The following CDKAL1 variants were observed in gnomAD, a reference collection of about 807,000 sequenced individuals.
The protein encoded by CDKAL1 is CDKAL1 threonylcarbamoyladenosine tRNA methylthiotransferase.
In CDKAL1, 32 loss-of-function variants were observed where a neutral mutation model predicts 68.2. That is an observed-to-expected ratio of 0.47 (90% CI 0.35 to 0.63). CDKAL1 has a LOEUF of 0.63. CDKAL1 is among the 30% of genes least tolerant of loss of function. CDKAL1 has a pLI of 0.00. For missense variants in CDKAL1, 606 were observed against 696.7 expected (o/e 0.87, Z 1.47); for synonymous variants, 234 against 244.3 (o/e 0.96, Z 0.39).
At chr6:20,774,965 A>C (rs958020491) in intron 7 of CDKAL1, among the ~76,000 whole-genome samples, 3 of 152,214 alleles carry the variant, frequency 2.0e-5, no homozygotes, top group Admixed American at 6.5e-5. Context: ...TGTTTATTAA[A>C]GCGGGTTAAT....
At chr6:20,685,184 G>A (rs1182425682) in intron 5 of CDKAL1, among the ~76,000 whole-genome samples, 1 of 152,184 alleles carries the variant, frequency 6.6e-6, no homozygotes, top group East Asian at 1.9e-4. Flanking sequence ...TGTCAAGAAT[G>A]TAAGGTCTGT....
intron 9 of CDKAL1, among the ~76,000 whole-genome samples, chr6:20,876,528 T>A (rs1760527064): frequency 6.6e-6 from 1 of 152,224 alleles, no homozygotes; most frequent in South Asian, 2.1e-4. Context: ...TAATGCTTCA[T>A]TCTAAGGATT....
At chr6:20,690,705 G>A (rs370304520) in intron 5 of CDKAL1, among the ~76,000 whole-genome samples, 1 of 151,082 alleles carries the variant, frequency 6.6e-6, no homozygotes, top group Non-Finnish European at 1.5e-5. Flanking sequence ...TGTTTTTCAC[G>A]TATACTTATA....
chr6:20,715,753 G>T (rs1581433699), intron 5 of CDKAL1, among the ~76,000 whole-genome samples: 1 of 152,150 alleles, frequency 6.6e-6, no homozygotes, highest in Admixed American at 6.5e-5. Flanking sequence ...AGCTATGTAG[G>T]ATATTCTGAA....
At chr6:21,122,962 A>G (rs907610964) in intron 13 of CDKAL1, among the ~76,000 whole-genome samples, 1 of 152,100 alleles carries the variant, frequency 6.6e-6, no homozygotes, top group Non-Finnish European at 1.5e-5. Flanking sequence ...AATTGCTTTA[A>G]AAAGAGGAGA....
At chr6:20,778,424 A>G (rs1022239197) in intron 7 of CDKAL1, among the ~76,000 whole-genome samples, 2 of 152,258 alleles carry the variant, frequency 1.3e-5, no homozygotes, top group African/African-American at 4.8e-5. Context: ...AATAATTCTT[A>G]CAACTCAGTA....
chr6:20,786,818 A>C (rs1236272631), intron 8 of CDKAL1, among the ~76,000 whole-genome samples: 1 of 152,052 alleles, frequency 6.6e-6, no homozygotes, highest in African/African-American at 2.4e-5. Context: ...TTTTTCTAGC[A>C]GTGGGAATAC....
At chr6:20,797,760 C>CTTTATGTTATTTTAT (rs1776168758) in intron 8 of CDKAL1, among the ~76,000 whole-genome samples, 1 of 119,406 alleles carries the variant, frequency 8.4e-6, no homozygotes, top group Admixed American at 8.5e-5. Flanking sequence ...TGATTGATTG[C>CTTTATGTTATTTTAT]TTTATTTTAT....
intron 13 of CDKAL1, among the ~76,000 whole-genome samples, chr6:21,188,468 G>T (rs1778104324): frequency 6.6e-6 from 1 of 152,210 alleles, no homozygotes; most frequent in Non-Finnish European, 1.5e-5. Flanking sequence ...AGTAATGGCT[G>T]AGAGAGACCA....
At chr6:21,137,006 A>G (rs777892883) in intron 13 of CDKAL1, among the ~76,000 whole-genome samples, 18 of 152,268 alleles carry the variant, frequency 1.2e-4, no homozygotes, top group Non-Finnish European at 5.9e-5. Flanking sequence ...ACCAGCGTCT[A>G]CCATTGCCAT....
intron 9 of CDKAL1, among the ~76,000 whole-genome samples, chr6:20,922,709 A>G (rs1763013198): frequency 6.6e-6 from 1 of 152,234 alleles, no homozygotes; most frequent in Non-Finnish European, 1.5e-5. Flanking sequence ...CGGGATGAGA[A>G]CAGAGACATA....
chr6:20,957,101 A>G (rs1416321961), intron 10 of CDKAL1, among the ~76,000 whole-genome samples: 1 of 151,858 alleles, frequency 6.6e-6, no homozygotes, highest in Non-Finnish European at 1.5e-5. Context: ...CGTGAAGACC[A>G]GGAGATATAC....
intron 9 of CDKAL1, among the ~76,000 whole-genome samples, chr6:20,862,579 A>G (rs1274954738): frequency 2.0e-5 from 3 of 152,192 alleles, no homozygotes. Flanking sequence ...GGAAAAAATA[A>G]GTCACCACCT....
At chr6:21,161,915 A>G (rs1229855596) in intron 13 of CDKAL1, among the ~76,000 whole-genome samples, 1 of 152,242 alleles carries the variant, frequency 6.6e-6, no homozygotes, top group Admixed American at 6.5e-5. Context: ...AAGGAAAGGC[A>G]CGTTTCAATG....
chr6:20,695,963 C>T lies in CDKAL1; in HGVS notation c.372-43556C>T, dbSNP rs550609223. ...CCTCCTTTCTTCCAATCCCTGGTAA[C>T]GACGATTCTACTTTCTGCCTCTCTG... is the stretch of plus-strand genomic sequence containing the variant. On this transcript the variant is annotated intron_variant, in intron 5 of 15. Coordinates refer to ENST00000274695, the MANE Select transcript of CDKAL1 (RefSeq NM_017774.3). Among the ~76,000 whole-genome samples the T allele has an allele frequency of 3.5e-4, 53 of 152,312 alleles. No homozygotes were observed. In the South Asian group the frequency reaches 0.011, roughly 30 times the overall value.
intron 13 of CDKAL1, among the ~76,000 whole-genome samples, chr6:21,141,204 C>G (rs747866792): frequency 6.6e-6 from 1 of 152,254 alleles, no homozygotes; most frequent in Non-Finnish European, 1.5e-5. Context: ...CGTTCTGGAT[C>G]ATGCCAAGCT....
intron 10 of CDKAL1, among the ~76,000 whole-genome samples, chr6:20,984,818 G>GA (rs879834990): frequency 6.0e-5 from 9 of 148,898 alleles, no homozygotes; most frequent in Non-Finnish European, 1.3e-4. Context: ...TAACGGGGGG[G>GA]GGTGGGGAAG....
Position 20,898,463 on chromosome 6 carries a change from C to T in CDKAL1, c.742+52285C>T, listed in dbSNP as rs564329508. ...GCTTCTCTAAATGTGACTGCCATTG[C>T]GACAGTGGCCTCCTGCTTAGGCTTT... On this transcript the variant is annotated intron_variant, in intron 9 of 15. Transcript: ENST00000274695. Among the ~76,000 whole-genome samples, 5 of 149,660 alleles carry T rather than the reference C, an allele frequency of 3.3e-5. No individual in the cohort carries two copies. In the East Asian group the frequency reaches 7.8e-4, roughly 23 times the overall value.
intron 13 of CDKAL1, among the ~76,000 whole-genome samples, chr6:21,120,345 G>C (rs193093785): frequency 6.6e-6 from 1 of 152,300 alleles, no homozygotes; most frequent in Non-Finnish European, 1.5e-5. Context: ...CAAATTCAGG[G>C]CTAAAATCCA....
Sources: allele counts gnomAD v4.1 joint callset (sites outside exome capture counted in the v4.1 genomes callset), GRCh38; gene constraint gnomAD v4.1.1; transcripts MANE v1.5; gene names NCBI Gene and HGNC (gene_info 2026-07-23, HGNC 2026-07-21).